Variants in INSR observed in about 807,000 individuals in gnomAD.
The protein encoded by INSR is IR.
INSR carries 67 observed loss-of-function variants against 142.6 expected under a neutral mutation model. The observed-to-expected ratio is 0.47, with a 90% CI of 0.39 to 0.58. The LOEUF (loss-of-function observed/expected upper bound fraction) is 0.58, where lower values mean the gene tolerates loss of function less well. INSR is among the 20% of genes least tolerant of loss of function. The pLI is 0.00. For synonymous variants in INSR, 756 were observed against 743.1 expected (o/e 1.02, Z -0.28); for missense variants, 1,248 against 1,833.2 (o/e 0.68, Z 5.83).
chr19:7,153,568 A>G (rs1224065666), intron 9 of INSR, among the ~76,000 whole-genome samples: 2 of 152,066 alleles, frequency 1.3e-5, no homozygotes, highest in Non-Finnish European at 1.5e-5. Context: ...CGCTTTGGAA[A>G]AAAGCCAGAC....
At chr19:7,126,856 A>G (rs1333573291) in intron 15 of INSR, among the ~76,000 whole-genome samples, 1 of 151,432 alleles carries the variant, frequency 6.6e-6, no homozygotes, top group Admixed American at 6.6e-5. Flanking sequence ...TCAACATGGG[A>G]GCACTCATCC....
intron 1 of INSR, among the ~76,000 whole-genome samples, chr19:7,275,988 T>C (rs1485513724): frequency 6.6e-6 from 1 of 151,948 alleles, no homozygotes; most frequent in Non-Finnish European, 1.5e-5. Context: ...TTAGGAAGTG[T>C]TCCTTTCTTC....
intron 2 of INSR, among the ~76,000 whole-genome samples, chr19:7,260,074 T>C (rs1350824783): frequency 6.6e-6 from 1 of 152,214 alleles, no homozygotes; most frequent in African/African-American, 2.4e-5. Flanking sequence ...AGAGTTTCCA[T>C]AGGCAGCTAA....
Position 7,172,387 on chromosome 19 carries a change from T to C in INSR, c.1171A>G (p.Ile391Val), listed in dbSNP as rs1326844047. 6.2e-7 allele frequency: 1 copy of C among 1,614,104 alleles called. No homozygotes were observed. Among genetic ancestry groups the C allele is most frequent in the South Asian group, 1.1e-5 (1 of 91,080 alleles). ...CGGCGGATTTTTAGATACCCTGAAA[T>C]TTCTTCAATGAGGCCGAGGTTGGCT... ...LEANLGLIEE[I>V]SGYLKIRRSY... The change falls in exon 5 of 22, where the codon ATT (isoleucine) becomes GTT (valine). Residue 391 changes from isoleucine to valine, a missense_variant. By Grantham distance (29) the Ile-to-Val change is conservative. Transcript: ENST00000302850.
intron 2 of INSR, among the ~76,000 whole-genome samples, chr19:7,229,332 A>AGATGGATGGATG (rs1162772377): frequency 2.8e-4 from 23 of 81,984 alleles, no homozygotes; most frequent in East Asian, 2.3e-3. Flanking sequence ...ATGGATGGAT[A>AGATGGATGGATG]GATGGATGGA....
At chr19:7,198,551 A>G (rs1188876593) in intron 2 of INSR, among the ~76,000 whole-genome samples, 3 of 152,102 alleles carry the variant, frequency 2.0e-5, no homozygotes, top group Non-Finnish European at 4.4e-5. Flanking sequence ...GGGACTGCCG[A>G]GGGGCCCCCT....
At chr19:7,173,544 C>A (rs1363769291) in intron 4 of INSR, among the ~76,000 whole-genome samples, 1 of 150,860 alleles carries the variant, frequency 6.6e-6, no homozygotes, top group Non-Finnish European at 1.5e-5. Context: ...AAACTTCTGA[C>A]CTCAAGTGAT....
At chr19:7,175,705 C>T (rs1974120269) in intron 3 of INSR, among the ~76,000 whole-genome samples, 4 of 151,882 alleles carry the variant, frequency 2.6e-5, no homozygotes, top group South Asian at 4.2e-4. Context: ...TGTGGTGGCA[C>T]GTGCCTATAA....
At chr19:7,293,764 C>T in intron 1 of INSR, 28 bp downstream of exon 1, 1 of 1,327,072 alleles carries the variant, frequency 7.5e-7, no homozygotes, top group Non-Finnish European at 9.7e-7. Flanking sequence ...GCGGCGCTCC[C>T]CGCCCACGCC....
At chr19:7,248,819 G>A (rs1299427254) in intron 2 of INSR, among the ~76,000 whole-genome samples, 10 of 142,526 alleles carry the variant, frequency 7.0e-5, no homozygotes, top group African/African-American at 1.6e-4. Context: ...GTGCAGTGGC[G>A]TGATCTTGGC....
At chr19:7,235,064 T>A (rs956742000) in intron 2 of INSR, among the ~76,000 whole-genome samples, 3 of 151,198 alleles carry the variant, frequency 2.0e-5, no homozygotes, top group South Asian at 2.1e-4. Context: ...TCTCAAAAAA[T>A]AATAATAATA....
At chr19:7,124,945 T>A (rs949727506) in intron 17 of INSR, among the ~76,000 whole-genome samples, 1 of 151,416 alleles carries the variant, frequency 6.6e-6, no homozygotes, top group Non-Finnish European at 1.5e-5. Flanking sequence ...TAAAAAGCAA[T>A]GGAAGATTGT....
At chr19:7,195,530 C>T (rs1432968229) in intron 2 of INSR, among the ~76,000 whole-genome samples, 1 of 151,956 alleles carries the variant, frequency 6.6e-6, no homozygotes, top group Non-Finnish European at 1.5e-5. Flanking sequence ...GTAATCCCGG[C>T]TACTTGGGGG....
At chr19:7,131,174 C>T (rs189775259) in intron 14 of INSR, among the ~76,000 whole-genome samples, 5 of 151,552 alleles carry the variant, frequency 3.3e-5, no homozygotes, top group African/African-American at 1.2e-4. Context: ...GCCACTGTGC[C>T]CGGCCAGGTA....
chr19:7,273,746 A>C (rs1967987785), intron 1 of INSR, among the ~76,000 whole-genome samples: 1 of 151,670 alleles, frequency 6.6e-6, no homozygotes, highest in Non-Finnish European at 1.5e-5. Context: ...TCGAACTCTG[A>C]CCTCAGGTGA....
chr19:7,244,585 C>T lies in INSR; in HGVS notation c.652+22760G>A, dbSNP rs149107070. On this transcript the variant is annotated intron_variant, in intron 2 of 21. Transcript: ENST00000302850. ...TGGAAAAGGAGATCCCATACCTGCCCGGAAAGGAAAAATACGAAAGTATTG... is the reference window on the plus strand; with the variant it reads ...TGGAAAAGGAGATCCCATACCTGCCTGGAAAGGAAAAATACGAAAGTATTG... Among the ~76,000 whole-genome samples the T allele has an allele frequency of 2.8e-4, 42 of 152,020 alleles. No homozygotes were observed. In the East Asian group the frequency reaches 5.6e-3, roughly 20 times the overall value.
In INSR at chr19:7,166,501, A is replaced by C; in HGVS notation, c.1611-97T>G. ...CTGGGAAGTTACATCCCATAGGGTC[A>C]CATGTTACTCACCCAACAATCTAAT... On this transcript the variant is annotated intron_variant, in intron 7 of 21. Transcript: ENST00000302850. This position sits in a 1 kb window ranked among gnomAD's most constrained non-coding sequence, Gnocchi z 4.1. 1 of 1,314,848 alleles carries C rather than the reference A, an allele frequency of 7.6e-7. No homozygotes were observed. The highest frequency in any genetic ancestry group is 1.1e-6 in the Non-Finnish European group (1 of 935,304). The allele number at this position is 1,314,848 out of a possible 1,614,324, so 81.4% of individuals were successfully genotyped here.
intron 19 of INSR, 78 bp downstream of exon 19, chr19:7,122,536 G>C: frequency 6.9e-7 from 1 of 1,450,934 alleles, no homozygotes; most frequent in Non-Finnish European, 9.7e-7. Context: ...AGACTTAACG[G>C]CTCATTATAG....
chr19:7,250,204 A>C (rs1976667663), intron 2 of INSR, among the ~76,000 whole-genome samples: 1 of 149,726 alleles, frequency 6.7e-6, no homozygotes, highest in African/African-American at 2.5e-5. Context: ...GGAAAGGAGA[A>C]AAGAAAGAGA....
Sources: gnomAD v4.1 joint callset for allele counts (sites outside exome capture counted in the v4.1 genomes callset) on GRCh38, gnomAD v4.1.1 for gene constraint, Gnocchi (gnomAD v3.1) non-coding constraint, MANE v1.5 for transcripts, NCBI Gene and HGNC (gene_info 2026-07-23, HGNC 2026-07-21) for gene names.